NPY: variants seen among roughly 807,000 people sequenced by gnomAD.
NPY encodes neuropeptide Y, also known as pro-neuropeptide Y.
In NPY, 11 loss-of-function variants were observed where a neutral mutation model predicts 13.2. That is an observed-to-expected ratio of 0.83 (90% CI 0.52 to 1.38). The LOEUF (loss-of-function observed/expected upper bound fraction) is 1.38. Ranked by LOEUF, NPY falls within the 40% of genes most tolerant of loss-of-function variation. The pLI, the probability that NPY is intolerant of heterozygous loss-of-function variation, is 0.00. For missense variants in NPY, 109 were observed against 125.1 expected (o/e 0.87, Z 0.61); for synonymous variants, 51 against 55.6 (o/e 0.92, Z 0.37).
chr7:24,285,226 CT>C lies in NPY; in HGVS notation c.1-13del. On this transcript the variant is annotated splice_polypyrimidine_tract_variant and intron_variant, in intron 1 of 3. Transcript: ENST00000242152. The surrounding 1 kb of genome is among the most constrained non-coding windows in gnomAD (Gnocchi z 4.9). ...GAATCCCCAAGCCCGTCCGTTGAGC[CT>C]TCTGTGCCTGCAGATGCTAGGTAAC... is the stretch of plus-strand genomic sequence containing the variant. 1 of 1,613,926 alleles carries C rather than the reference CT, an allele frequency of 6.2e-7. No homozygotes were observed. Among genetic ancestry groups the C allele is most frequent in the Non-Finnish European group, 8.5e-7 (1 of 1,179,900 alleles).
rs771856462 is a variant in NPY at position 24,289,542 on chromosome 7, T to C, written c.232T>C (p.Leu78=). 9 of 1,611,322 alleles carry C rather than the reference T, an allele frequency of 5.6e-6. No individual in the cohort carries two copies. In the South Asian group the frequency reaches 8.8e-5, roughly 16 times the overall value. ...CCCAGAGACACTGATTTCAGACCTC[T>C]TGATGAGAGAAAGCACAGAAAATGT... ...SSPETLISDL[L]MRESTENVPR... The change falls in exon 3 of 4, where the codon TTG becomes CTG. Residue 78 remains leucine (L), a synonymous_variant. Coordinates refer to ENST00000242152, the MANE Select transcript of NPY (RefSeq NM_000905.4).
chr7:24,286,919 C>T (rs775848973), intron 2 of NPY, among the ~76,000 whole-genome samples: 59 of 152,082 alleles, frequency 3.9e-4, no homozygotes, highest in Non-Finnish European at 7.2e-4. Flanking sequence ...CTCATTTTTC[C>T]GAAGATGATT....
chr7:24,291,215 G>A (rs1235443862), intron 3 of NPY, among the ~76,000 whole-genome samples: 3 of 152,108 alleles, frequency 2.0e-5, no homozygotes, highest in Non-Finnish European at 4.4e-5. Flanking sequence ...AGTTGCCTAT[G>A]AGTGCTATTT....
At chr7:24,286,201 CT>C (rs1410622707) in intron 2 of NPY, among the ~76,000 whole-genome samples, 1 of 152,140 alleles carries the variant, frequency 6.6e-6, no homozygotes, top group Non-Finnish European at 1.5e-5. Flanking sequence ...AAATTGTAAA[CT>C]TTATTCTGAA....
chr7:24,284,474 C>T (rs1039268836), intron 1 of NPY, among the ~76,000 whole-genome samples, 199 bp downstream of exon 1: 3 of 152,232 alleles, frequency 2.0e-5, no homozygotes, highest in Admixed American at 1.3e-4. Context: ...CCTCTGCTCC[C>T]CTCTGATTGT....
rs3025121 is a variant in NPY, at chr7:24,285,725, C to T, written c.188+297C>T. The stretch of plus-strand genomic sequence containing the variant: ...CTCTTATGGTTTGTTGTGGTTCTTA[C>T]GGCAGTGGGGCCCGGTCCAGAAATC... On this transcript the variant is annotated intron_variant, in intron 2 of 3. Coordinates refer to ENST00000242152, the MANE Select transcript of NPY (RefSeq NM_000905.4). The surrounding 1 kb of genome is among the most constrained non-coding windows in gnomAD (Gnocchi z 4.9). 0.021 allele frequency among the ~76,000 whole-genome samples: 3,237 copies of T among 152,108 alleles called. 55 individuals are homozygous for T. Among genetic ancestry groups the T allele is most frequent in the Admixed American group, 0.032 (490 of 15,284 alleles).
chr7:24,289,363 C>T, intron 2 of NPY, 136 bp from the exon 3 acceptor site: 1 of 480,622 alleles, frequency 2.1e-6, no homozygotes, highest in Non-Finnish European at 3.7e-6. Context: ...GCTTCATACA[C>T]CTAGCTTGCT....
rs1173023945 is a variant in NPY at position 24,285,710 on chromosome 7, T to C, written c.188+282T>C. ...TCTCCTCTCACTCACCTCTTATGGT[T>C]TGTTGTGGTTCTTACGGCAGTGGGG... On this transcript the variant is annotated intron_variant, in intron 2 of 3. Transcript: ENST00000242152. The surrounding 1 kb of genome is among the most constrained non-coding windows in gnomAD (Gnocchi z 4.9). Among the ~76,000 whole-genome samples the C allele has an allele frequency of 2.0e-5, 3 of 152,048 alleles. No individual in the cohort carries two copies. The highest frequency in any genetic ancestry group is 2.1e-4 in the South Asian group (1 of 4,796).
chr7:24,285,498 G>T lies in NPY; in HGVS notation c.188+70G>T. ...ACACCAGGAGATCCTGGGGATGTTA[G>T]GGAAAGGGATTGTTTCTTTTCCTTC... On this transcript the variant is annotated intron_variant, in intron 2 of 3. Transcript: ENST00000242152. This position sits in a 1 kb window ranked among gnomAD's most constrained non-coding sequence, Gnocchi z 4.9. The T allele has an allele frequency of 6.8e-7, 1 of 1,476,596 alleles. No individual in the cohort carries two copies. 91.5% of individuals were successfully genotyped at this position (1,476,596 alleles called of 1,614,324 possible).
In NPY at chr7:24,291,800, C is replaced by T; in HGVS notation, c.*113C>T. The T allele has an allele frequency of 8.6e-7, 1 of 1,169,064 alleles. No homozygotes were observed. The highest frequency in any genetic ancestry group is 1.3e-6 in the Non-Finnish European group (1 of 786,966). The allele number at this position is 1,169,064 out of a possible 1,614,324, so 72.4% of individuals were successfully genotyped here. On this transcript the variant is annotated 3_prime_UTR_variant, in exon 4 of 4. Transcript: ENST00000242152. The stretch of plus-strand genomic sequence containing the variant: ...CATGCAGCCACTGTGCTGAATTCTG[C>T]AATGTTTTCCTTTGTCATCATTGTA...
chr7:24,285,140 T>TCGCGG lies in NPY; in HGVS notation c.1-101_1-100insCGCGG. ...GGACGAGAGCGGATTGGGGGTCGCG[T>TCGCGG]GTGGTAGCAGGAGGAGGAGCGCGGG... is the stretch of plus-strand genomic sequence containing the variant. On this transcript the variant is annotated intron_variant, in intron 1 of 3. Coordinates refer to ENST00000242152, the MANE Select transcript of NPY (RefSeq NM_000905.4). The surrounding 1 kb of genome is among the most constrained non-coding windows in gnomAD (Gnocchi z 4.9). 1.7e-6 allele frequency: 2 copies of TCGCGG among 1,203,912 alleles called. No individual in the cohort carries two copies. The highest frequency in any genetic ancestry group is 3.5e-5 in the Admixed American group (2 of 57,754). The allele number at this position is 1,203,912 out of a possible 1,614,324, so 74.6% of individuals were successfully genotyped here.
At chr7:24,291,566 G>C in intron 3 of NPY, 97 bp from the exon 4 acceptor site, 1 of 1,409,552 alleles carries the variant, frequency 7.1e-7, no homozygotes, top group Non-Finnish European at 9.9e-7. Context: ...AACAGTTCCC[G>C]GTCATCTTTC....
At position 24,285,254 on chromosome 7, in the gene NPY, A is replaced by G; in HGVS notation, c.14A>G (p.Lys5Arg). ...CTGTGCCTGCAGATGCTAGGTAACA[A>G]GCGACTGGGGCTGTCCGGACTGACC... is the stretch of plus-strand genomic sequence containing the variant. MLGN[K>R]RLGLSGLTLA... The change falls in exon 2 of 4, where the codon AAG becomes AGG. Residue 5 changes from lysine to arginine, a missense_variant. Transcript: ENST00000242152. This position sits in a 1 kb window ranked among gnomAD's most constrained non-coding sequence, Gnocchi z 4.9. The G allele has an allele frequency of 6.2e-7, 1 of 1,613,956 alleles. No individual in the cohort carries two copies. The highest frequency in any genetic ancestry group is 8.5e-7 in the Non-Finnish European group (1 of 1,179,914).
intron 2 of NPY, among the ~76,000 whole-genome samples, chr7:24,287,814 C>T (rs1308643529): frequency 6.6e-6 from 1 of 152,196 alleles, no homozygotes; most frequent in Non-Finnish European, 1.5e-5. Context: ...TTTCTCCTTC[C>T]TGGCTGCACA....
rs35313836 is a variant in NPY, at chr7:24,289,484, CT to C, written c.189-5del. The C allele has an allele frequency of 1.6e-3, 2,137 of 1,353,878 alleles. 1 individual carries two copies. Among genetic ancestry groups the C allele is most frequent in the South Asian group, 3.8e-3 (272 of 71,728 alleles). 83.9% of individuals were successfully genotyped at this position (1,353,878 alleles called of 1,614,324 possible). On this transcript the variant is annotated splice_polypyrimidine_tract_variant and intron_variant, in intron 2 of 3. Coordinates refer to ENST00000242152, the MANE Select transcript of NPY (RefSeq NM_000905.4). ...CCTATTCCAAACTTGCTTTAAAAGA[CT>C]TTTTTTTTTCCAGATATGGAAAACG...
At chr7:24,286,496 A>G (rs1338269709) in intron 2 of NPY, among the ~76,000 whole-genome samples, 5 of 152,166 alleles carry the variant, frequency 3.3e-5, no homozygotes, top group Non-Finnish European at 5.9e-5. Flanking sequence ...ATATTTATTT[A>G]TTTAGTCCAT....
chr7:24,287,627 C>T (rs1414744062), intron 2 of NPY, among the ~76,000 whole-genome samples: 8 of 152,060 alleles, frequency 5.3e-5, no homozygotes, highest in Non-Finnish European at 1.2e-4. Context: ...ATTTTATGCT[C>T]CCCAGGTGTG....
At chr7:24,287,546 T>C (rs1787438114) in intron 2 of NPY, among the ~76,000 whole-genome samples, 3 of 151,914 alleles carry the variant, frequency 2.0e-5, no homozygotes, top group Non-Finnish European at 4.4e-5. Flanking sequence ...CTGCATTACT[T>C]ATTCTAGAGT....
chr7:24,289,371 G>T lies in NPY; in HGVS notation c.189-128G>T, dbSNP rs958813989. 10 of 496,160 alleles carry T rather than the reference G, an allele frequency of 2.0e-5. No homozygotes were observed. In the African/African-American group the frequency reaches 2.2e-4, roughly 11 times the overall value. The allele number at this position is 496,160 out of a possible 1,614,324, so 30.7% of individuals were successfully genotyped here. A position where few individuals can be genotyped will look rare whatever the true frequency, so the allele number is the denominator to read the frequency against. On this transcript the variant is annotated intron_variant, in intron 2 of 3. Transcript: ENST00000242152. ...AATATATGCTTCATACACCTAGCTT[G>T]CTTGTTACAGATGAACACCTGACAA... is the stretch of plus-strand genomic sequence containing the variant.
Sources: allele counts gnomAD v4.1 joint callset (sites outside exome capture counted in the v4.1 genomes callset), GRCh38; gene constraint gnomAD v4.1.1; non-coding constraint Gnocchi (gnomAD v3.1); transcripts MANE v1.5; gene names NCBI Gene and HGNC (gene_info 2026-07-23, HGNC 2026-07-21).